Variants in KCNAB1 observed in about 807,000 individuals in gnomAD.
KCNAB1 encodes voltage-gated potassium channel subunit beta-1.
In KCNAB1, 35 loss-of-function variants were observed where a neutral mutation model predicts 64.6. The observed-to-expected ratio is 0.54, with a 90% CI of 0.41 to 0.72. The LOEUF (loss-of-function observed/expected upper bound fraction) is 0.72, where lower values mean the gene tolerates loss of function less well. KCNAB1 is among the 30% of genes least tolerant of loss of function. The pLI, the probability that KCNAB1 is intolerant of heterozygous loss-of-function variation, is 0.00. For missense variants in KCNAB1, 401 were observed against 512.9 expected, an observed-to-expected ratio of 0.78 and a Z score of 2.11; for synonymous variants, 177 against 183.8, an observed-to-expected ratio of 0.96 and a Z score of 0.30.
intron 1 of KCNAB1, among the ~76,000 whole-genome samples, chr3:156,253,932 G>A (rs2108468783): frequency 6.6e-6 from 1 of 152,306 alleles, no homozygotes; most frequent in East Asian, 1.9e-4. Flanking sequence ...TTAAGTGGGG[G>A]TATATGATGC....
At chr3:156,337,887 C>A (rs924042479) in intron 1 of KCNAB1, among the ~76,000 whole-genome samples, 1 of 152,116 alleles carries the variant, frequency 6.6e-6, no homozygotes, top group East Asian at 1.9e-4. Context: ...TTCTTTATGC[C>A]GTGTCACATT....
At chr3:156,120,261 C>T (rs533634113), upstream of KCNAB1, among the ~76,000 whole-genome samples, 234 of 152,286 alleles carry the variant, frequency 1.5e-3, 2 homozygotes, top group African/African-American at 5.4e-3. Flanking sequence ...ATTTACCAAA[C>T]CTATATGACC....
At chr3:156,475,045 C>T (rs533246633) in intron 8 of KCNAB1, among the ~76,000 whole-genome samples, 1 of 152,320 alleles carries the variant, frequency 6.6e-6, no homozygotes. Context: ...GGGCTCGTGG[C>T]TCCCGCTGGT....
chr3:156,370,714 G>A (rs1726247004), intron 1 of KCNAB1, among the ~76,000 whole-genome samples: 1 of 152,164 alleles, frequency 6.6e-6, no homozygotes, highest in South Asian at 2.1e-4. Flanking sequence ...CTGTTGTGCC[G>A]AACTTCTGTT....
intron 1 of KCNAB1, among the ~76,000 whole-genome samples, chr3:156,165,782 G>C (rs1432250899): frequency 4.6e-5 from 7 of 152,060 alleles, no homozygotes; most frequent in African/African-American, 1.7e-4. Flanking sequence ...GAGCTCTCCT[G>C]GTTTTTCTTT....
At chr3:156,133,280 G>A (rs1296411155) in intron 1 of KCNAB1, among the ~76,000 whole-genome samples, 1 of 152,200 alleles carries the variant, frequency 6.6e-6, no homozygotes, top group Non-Finnish European at 1.5e-5. Flanking sequence ...AACACCAGTT[G>A]CTGTTGAACA....
intron 2 of KCNAB1, among the ~76,000 whole-genome samples, chr3:156,436,223 C>T (rs543494208): frequency 6.6e-6 from 1 of 152,226 alleles, no homozygotes; most frequent in African/African-American, 2.4e-5. Flanking sequence ...TCCAGCTCCA[C>T]CCATGCACCA....
At chr3:156,521,983 T>C (rs1717968416) in intron 11 of KCNAB1, among the ~76,000 whole-genome samples, 1 of 149,370 alleles carries the variant, frequency 6.7e-6, no homozygotes, top group South Asian at 2.1e-4. Context: ...TGGAAGTCTG[T>C]CTCTGAAAAT....
intron 1 of KCNAB1, among the ~76,000 whole-genome samples, chr3:156,312,018 T>G (rs926075011): frequency 1.3e-5 from 2 of 152,228 alleles, no homozygotes; most frequent in African/African-American, 4.8e-5. Flanking sequence ...TTTATGTTAC[T>G]TTTCGTTCTC....
rs1408941363 is a variant in KCNAB1 at position 156,221,788 on chromosome 3, A to C, written c.275+100902A>C. On this transcript the variant is annotated intron_variant, in intron 1 of 13. Coordinates refer to ENST00000490337, the MANE Select transcript of KCNAB1 (RefSeq NM_172160.3). ...AGCAAAACTCCATCCCCCCCCGCCA[A>C]AAAAAAAGTTTTGTGTCCAGCAAAA... Among the ~76,000 whole-genome samples the C allele has an allele frequency of 2.4e-3, 324 of 137,444 alleles. 1 individual carries two copies. Among genetic ancestry groups the C allele is most frequent in the African/African-American group, 6.7e-3 (248 of 36,900 alleles). The allele number at this position is 137,444 out of a possible 152,430, so 90.2% of individuals were successfully genotyped here.
intron 1 of KCNAB1, among the ~76,000 whole-genome samples, chr3:156,288,118 G>T (rs1319228213): frequency 6.6e-6 from 1 of 152,122 alleles, no homozygotes; most frequent in African/African-American, 2.4e-5. Flanking sequence ...TTTTGTCCTT[G>T]GCTTATAGAC....
At position 156,245,666 on chromosome 3, in the gene KCNAB1, G is replaced by T. The variant is rs116721861; in HGVS notation, c.275+124780G>T. ...CATGTGCCATCTTCTTCTGAAAGCT[G>T]AATGACTGGAAACGTAACGAAAAGT... On this transcript the variant is annotated intron_variant, in intron 1 of 13. Transcript: ENST00000490337. 4.5e-3 allele frequency among the ~76,000 whole-genome samples: 686 copies of T among 152,270 alleles called. 6 individuals are homozygous for T. The highest frequency in any genetic ancestry group is 0.016 in the African/African-American group (655 of 41,534).
chr3:156,420,910 C>T (rs1241790215), intron 1 of KCNAB1, among the ~76,000 whole-genome samples: 4 of 151,140 alleles, frequency 2.6e-5, no homozygotes, highest in East Asian at 3.9e-4. Flanking sequence ...CTGATGTTCC[C>T]GTGGTAATTT....
chr3:156,143,217 C>A (rs965913342), intron 1 of KCNAB1: 1 of 1,613,218 alleles, frequency 6.2e-7, no homozygotes, highest in East Asian at 2.2e-5. Flanking sequence ...ACATCCCGAG[C>A]CCCAAGCTGG....
intron 8 of KCNAB1, among the ~76,000 whole-genome samples, chr3:156,486,236 C>T (rs1012758620): frequency 3.3e-5 from 5 of 152,124 alleles, no homozygotes; most frequent in African/African-American, 1.2e-4. Flanking sequence ...CCATCAGCTC[C>T]TCTTTCTTTA....
chr3:156,495,632 C>T (rs1715961624), intron 8 of KCNAB1, among the ~76,000 whole-genome samples: 2 of 152,184 alleles, frequency 1.3e-5, no homozygotes, highest in Admixed American at 1.3e-4. Flanking sequence ...AGCTCCATCA[C>T]TTACTAGCTG....
intron 2 of KCNAB1, among the ~76,000 whole-genome samples, chr3:156,438,895 T>C (rs1022185337): frequency 1.3e-5 from 2 of 152,154 alleles, no homozygotes; most frequent in Admixed American, 1.3e-4. Flanking sequence ...GTGCCTATAG[T>C]TCCAGCTACT....
At chr3:156,175,574 C>T (rs139024452) in intron 1 of KCNAB1, among the ~76,000 whole-genome samples, 2,652 of 152,292 alleles carry the variant, frequency 0.017, 49 homozygotes, top group South Asian at 0.031. Flanking sequence ...AGCCGAGATG[C>T]GCCACTGCAC....
intron 1 of KCNAB1, among the ~76,000 whole-genome samples, chr3:156,183,583 T>C (rs1471894698): frequency 6.6e-6 from 1 of 152,196 alleles, no homozygotes; most frequent in Non-Finnish European, 1.5e-5. Flanking sequence ...GCAGCTCACC[T>C]AGTAGCCAGC....
Sources: allele counts gnomAD v4.1 joint callset (sites outside exome capture counted in the v4.1 genomes callset), GRCh38; gene constraint gnomAD v4.1.1; transcripts MANE v1.5; gene names NCBI Gene and HGNC (gene_info 2026-07-23, HGNC 2026-07-21).